The following ROBO2 variants were observed in gnomAD, a reference collection of about 807,000 sequenced individuals.
ROBO2 encodes roundabout guidance receptor 2, also known as roundabout homolog 2.
ROBO2 carries 53 observed loss-of-function variants against 160.8 expected under a neutral mutation model. That is an observed-to-expected ratio of 0.33 (90% CI 0.26 to 0.41). The LOEUF (loss-of-function observed/expected upper bound fraction) is 0.41. ROBO2 is among the 10% of genes least tolerant of loss of function. The probability of loss-of-function intolerance (pLI) is 1.00; values close to 1 mark genes in which losing one functional copy is unlikely to be tolerated. For synonymous variants in ROBO2, 664 were observed against 611.7 expected (o/e 1.09, Z -1.26); for missense variants, 1,577 against 1,722.4 (o/e 0.92, Z 1.49).
chr3:76,371,091 A>G (rs2076076881), intron 2 of ROBO2, among the ~76,000 whole-genome samples: 1 of 151,922 alleles, frequency 6.6e-6, no homozygotes, highest in Non-Finnish European at 1.5e-5. Flanking sequence ...CACACAAGTG[A>G]ATCCAAGTAT....
At chr3:76,502,945 C>G (rs568629656) in intron 2 of ROBO2, among the ~76,000 whole-genome samples, 1 of 151,962 alleles carries the variant, frequency 6.6e-6, no homozygotes, top group East Asian at 1.9e-4. Flanking sequence ...ATGGAACAAC[C>G]ATGTAGTAGT....
intron 2 of ROBO2, among the ~76,000 whole-genome samples, chr3:76,908,732 T>G (rs1276266839): frequency 6.6e-6 from 1 of 152,178 alleles, no homozygotes; most frequent in African/African-American, 2.4e-5. Flanking sequence ...AAGAAAGTTT[T>G]TACTTAGGAG....
At position 76,695,926 on chromosome 3, in the gene ROBO2, T is replaced by A. The variant is rs530422676; in HGVS notation, c.110-402088T>A. On this transcript the variant is annotated intron_variant, in intron 2 of 26. Transcript: ENST00000487694. ...TGCACATTTGATTTGATGATTTTTT[T>A]AAAAATACCTTCATGCTTTCCATGA... Among the ~76,000 whole-genome samples the A allele has an allele frequency of 2.2e-3, 341 of 152,304 alleles. 3 individuals are homozygous for A. The highest frequency in any genetic ancestry group is 3.3e-3 in the African/African-American group (137 of 41,568).
At chr3:76,156,549 G>C (rs995941600) in intron 2 of ROBO2, among the ~76,000 whole-genome samples, 1 of 152,230 alleles carries the variant, frequency 6.6e-6, no homozygotes, top group Non-Finnish European at 1.5e-5. Context: ...TGTGTTAAGT[G>C]TAAGGAAAGG....
At chr3:75,939,268 A>T (rs1947932576) in intron 2 of ROBO2, among the ~76,000 whole-genome samples, 1 of 152,196 alleles carries the variant, frequency 6.6e-6, no homozygotes, top group South Asian at 2.1e-4. Context: ...GGGTTGCTAA[A>T]ACCTTCCTCT....
intron 2 of ROBO2, among the ~76,000 whole-genome samples, chr3:75,950,947 T>C (rs1422034942): frequency 6.6e-6 from 1 of 152,134 alleles, no homozygotes; most frequent in Non-Finnish European, 1.5e-5. Flanking sequence ...ATGATTTTAC[T>C]AGTTTTTATT....
intron 2 of ROBO2, among the ~76,000 whole-genome samples, chr3:76,733,255 T>G (rs895721050): frequency 6.6e-6 from 1 of 152,162 alleles, no homozygotes; most frequent in Non-Finnish European, 1.5e-5. Context: ...AGACTGTGTA[T>G]ACAAAGAAGG....
At chr3:76,010,980 C>T (rs2107611093) in intron 2 of ROBO2, among the ~76,000 whole-genome samples, 1 of 152,276 alleles carries the variant, frequency 6.6e-6, no homozygotes, top group Non-Finnish European at 1.5e-5. Flanking sequence ...ACCCCCAGAG[C>T]TATAATCCTC....
intron 2 of ROBO2, among the ~76,000 whole-genome samples, chr3:76,791,849 A>T (rs1299540688): frequency 6.6e-6 from 1 of 151,828 alleles, no homozygotes; most frequent in Non-Finnish European, 1.5e-5. Context: ...TACAGCAATT[A>T]AAAATAGTAC....
chr3:76,678,133 G>A (rs1311590178), intron 2 of ROBO2, among the ~76,000 whole-genome samples: 1 of 151,486 alleles, frequency 6.6e-6, no homozygotes, highest in Non-Finnish European at 1.5e-5. Context: ...ACCACGCCCG[G>A]CTAATTTTTG....
At chr3:76,996,763 T>C (rs2061037689) in intron 2 of ROBO2, among the ~76,000 whole-genome samples, 1 of 152,204 alleles carries the variant, frequency 6.6e-6, no homozygotes, top group East Asian at 1.9e-4. Context: ...GAAAGAGAGT[T>C]TAACAAAGTA....
At chr3:77,135,000 C>T (rs148932431) in intron 2 of ROBO2, among the ~76,000 whole-genome samples, 4 of 152,256 alleles carry the variant, frequency 2.6e-5, no homozygotes, top group Non-Finnish European at 5.9e-5. Context: ...GGCAGGTAAA[C>T]GAGCTAGAGA....
chr3:76,976,974 G>A (rs1442364625), intron 2 of ROBO2, among the ~76,000 whole-genome samples: 1 of 152,136 alleles, frequency 6.6e-6, no homozygotes, highest in African/African-American at 2.4e-5. Context: ...AGCATTTGCT[G>A]TTGAGTAATA....
rs375183410 is a variant in ROBO2, at chr3:77,168,519, A to G, written c.388+70179A>G. 2.5e-4 allele frequency among the ~76,000 whole-genome samples: 38 copies of G among 152,280 alleles called. No homozygotes were observed. In the South Asian group the frequency reaches 7.3e-3, roughly 29 times the overall value. On this transcript the variant is annotated intron_variant, in intron 2 of 25. Transcript: ENST00000461745. ...TTTCCTTTACCCCAGAGACCCAGAA[A>G]ATGGAGCTAGCTACATTTCTCACAC...
At chr3:76,941,290 C>T (rs183715104) in intron 2 of ROBO2, among the ~76,000 whole-genome samples, 108 of 152,236 alleles carry the variant, frequency 7.1e-4, no homozygotes, top group African/African-American at 2.5e-3. Flanking sequence ...TTTATTTTCA[C>T]AACTAATAAA....
chr3:76,714,577 C>T (rs955863763), intron 2 of ROBO2, among the ~76,000 whole-genome samples: 1 of 152,120 alleles, frequency 6.6e-6, no homozygotes, highest in Non-Finnish European at 1.5e-5. Flanking sequence ...TTTCTTGAAA[C>T]AGAAATCTTA....
chr3:76,305,960 G>C (rs988071579), intron 2 of ROBO2, among the ~76,000 whole-genome samples: 22 of 152,096 alleles, frequency 1.4e-4, no homozygotes, highest in Admixed American at 1.4e-3. Flanking sequence ...GTTGGGAGGG[G>C]AGGCCTGTCC....
chr3:76,672,430 CT>C (rs1162564736), intron 2 of ROBO2, among the ~76,000 whole-genome samples: 2 of 152,072 alleles, frequency 1.3e-5, no homozygotes, highest in African/African-American at 4.8e-5. Flanking sequence ...GTCCTATTTA[CT>C]TTGGAAGAAA....
chr3:76,593,595 G>A (rs1186984468), intron 2 of ROBO2, among the ~76,000 whole-genome samples: 1 of 152,018 alleles, frequency 6.6e-6, no homozygotes, highest in Non-Finnish European at 1.5e-5. Flanking sequence ...CAGAAATTAA[G>A]TGTTTCCATC....
Sources: allele counts gnomAD v4.1 joint callset (sites outside exome capture counted in the v4.1 genomes callset), GRCh38; gene constraint gnomAD v4.1.1; transcripts MANE v1.5; gene names NCBI Gene and HGNC (gene_info 2026-07-23, HGNC 2026-07-21).